GRID1: variants seen among roughly 807,000 people sequenced by gnomAD.
The protein encoded by GRID1 is glutamate receptor ionotropic, delta-1.
GRID1 carries 28 observed loss-of-function variants against 98.0 expected under a neutral mutation model. The ratio of observed to expected loss-of-function variants is 0.29; its 90% CI spans 0.21 to 0.39. The LOEUF (loss-of-function observed/expected upper bound fraction) is 0.39, where lower values mean the gene tolerates loss of function less well. Ranked by LOEUF, GRID1 falls within the 10% of genes least tolerant of loss-of-function variation. The pLI, the probability that GRID1 is intolerant of heterozygous loss-of-function variation, is 1.00. For missense variants in GRID1, 1,111 were observed against 1,340.5 expected (o/e 0.83, Z 2.67); for synonymous variants, 553 against 538.5 (o/e 1.03, Z -0.37).
chr10:86,148,195 T>C (rs1014705498), intron 3 of GRID1, among the ~76,000 whole-genome samples: 1 of 152,172 alleles, frequency 6.6e-6, no homozygotes, highest in Non-Finnish European at 1.5e-5. Flanking sequence ...CACTCTGCAA[T>C]AGCCAAGACA....
chr10:85,784,963 T>C (rs1265382305), intron 8 of GRID1, among the ~76,000 whole-genome samples: 1 of 152,184 alleles, frequency 6.6e-6, no homozygotes, highest in Non-Finnish European at 1.5e-5. Context: ...CTCAATGAGA[T>C]GTGACAGGTG....
chr10:86,217,918 C>T (rs538884793), intron 2 of GRID1, among the ~76,000 whole-genome samples: 2 of 152,216 alleles, frequency 1.3e-5, no homozygotes, highest in South Asian at 2.1e-4. Flanking sequence ...CCTGCAGCCC[C>T]GGGCCACCGG....
At chr10:86,300,907 C>T (rs1847676141) in intron 2 of GRID1, among the ~76,000 whole-genome samples, 1 of 152,178 alleles carries the variant, frequency 6.6e-6, no homozygotes, top group South Asian at 2.1e-4. Flanking sequence ...AGAGCTACAG[C>T]ATCCTGGGGA....
At chr10:86,329,615 C>T (rs898079162) in intron 2 of GRID1, among the ~76,000 whole-genome samples, 6 of 152,152 alleles carry the variant, frequency 3.9e-5, no homozygotes, top group African/African-American at 1.2e-4. Flanking sequence ...CTGTGACCAT[C>T]CCCTGGTCCA....
At chr10:86,000,715 C>G (rs972342087) in intron 4 of GRID1, among the ~76,000 whole-genome samples, 59 of 152,226 alleles carry the variant, frequency 3.9e-4, no homozygotes, top group Non-Finnish European at 7.8e-4. Context: ...ACTAGAAATC[C>G]ATATATCAAA....
chr10:86,222,066 C>A (rs1438596748), intron 2 of GRID1, among the ~76,000 whole-genome samples: 4 of 152,186 alleles, frequency 2.6e-5, no homozygotes, highest in Non-Finnish European at 4.4e-5. Flanking sequence ...CCCCAAGAAC[C>A]CTGAAGCTGG....
intron 3 of GRID1, among the ~76,000 whole-genome samples, chr10:86,174,904 G>C (rs1213778045): frequency 4.6e-5 from 7 of 152,134 alleles, no homozygotes; most frequent in East Asian, 3.9e-4. Context: ...CTCACCATCA[G>C]TGGCCATCAG....
intron 8 of GRID1, among the ~76,000 whole-genome samples, chr10:85,793,072 A>T (rs1490020234): frequency 6.6e-6 from 1 of 152,076 alleles, no homozygotes; most frequent in Non-Finnish European, 1.5e-5. Context: ...TCCAGAGTGC[A>T]GGCATGCCTC....
At chr10:85,628,678 T>C (rs1296211225) in intron 13 of GRID1, among the ~76,000 whole-genome samples, 1 of 152,146 alleles carries the variant, frequency 6.6e-6, no homozygotes, top group African/African-American at 2.4e-5. Flanking sequence ...TAAAGACTTT[T>C]TATCCAGATC....
chr10:85,804,789 C>T (rs534876400), intron 8 of GRID1, among the ~76,000 whole-genome samples: 42 of 151,790 alleles, frequency 2.8e-4, no homozygotes, highest in Non-Finnish European at 5.5e-4. Context: ...TGGTAAATGC[C>T]TCAGCAACAA....
At chr10:85,695,232 T>C (rs1444784510) in intron 12 of GRID1, among the ~76,000 whole-genome samples, 1 of 152,178 alleles carries the variant, frequency 6.6e-6, no homozygotes, top group East Asian at 1.9e-4. Context: ...CTTGCCTTCC[T>C]TAAGAACTCA....
At chr10:85,791,992 G>A (rs1470129071) in intron 8 of GRID1, among the ~76,000 whole-genome samples, 2 of 152,014 alleles carry the variant, frequency 1.3e-5, no homozygotes, top group Non-Finnish European at 2.9e-5. Flanking sequence ...CCCCAGGCAG[G>A]AGGCCAGGGA....
intron 2 of GRID1, among the ~76,000 whole-genome samples, chr10:86,261,354 G>A (rs1564722248): frequency 6.6e-6 from 1 of 152,346 alleles, no homozygotes; most frequent in East Asian, 1.9e-4. Context: ...TTCAAAGCTG[G>A]CCACAGACTA....
rs553699674 is a variant in GRID1, at chr10:86,239,912, C to T, written c.236-33264G>A. 1.9e-4 allele frequency among the ~76,000 whole-genome samples: 29 copies of T among 152,178 alleles called. 1 individual carries two copies. The highest frequency in any genetic ancestry group is 2.1e-4 in the South Asian group (1 of 4,812). ...CCTTATAGAAGTGATTAAATTAAAACGAATCAGGAAGGTGGGCCCTATTCC... is the reference window on the plus strand; with the variant it reads ...CCTTATAGAAGTGATTAAATTAAAATGAATCAGGAAGGTGGGCCCTATTCC... On this transcript the variant is annotated intron_variant, in intron 2 of 15. Transcript: ENST00000327946.
rs1045368322 is a variant in GRID1, at chr10:85,934,202, G to A, written c.727-17963C>T. Among the ~76,000 whole-genome samples, 5 of 152,166 alleles carry A rather than the reference G, an allele frequency of 3.3e-5. No homozygotes were observed. The East Asian group carries it at 9.6e-4, about 29-fold the overall frequency. On this transcript the variant is annotated intron_variant, in intron 4 of 15. Coordinates refer to ENST00000327946, the MANE Select transcript of GRID1 (RefSeq NM_017551.3). ...AGAGCAAGCTGGAATAGTAGGAATGGCTTCATGGAGGTACTGGGCTGAAAG... is the reference window on the plus strand; with the variant it reads ...AGAGCAAGCTGGAATAGTAGGAATGACTTCATGGAGGTACTGGGCTGAAAG...
chr10:86,342,257 C>T (rs974831562), intron 2 of GRID1, among the ~76,000 whole-genome samples: 2 of 152,172 alleles, frequency 1.3e-5, no homozygotes, highest in Admixed American at 6.5e-5. Flanking sequence ...CTGCTGCACA[C>T]AGCCAGTGTC....
At chr10:86,033,128 C>T (rs1843209929) in intron 4 of GRID1, among the ~76,000 whole-genome samples, 1 of 151,982 alleles carries the variant, frequency 6.6e-6, no homozygotes, top group African/African-American at 2.4e-5. Context: ...GTGGCCTTTG[C>T]TCTTTCTTCA....
At chr10:86,166,062 C>A (rs891603707) in intron 3 of GRID1, among the ~76,000 whole-genome samples, 1 of 152,196 alleles carries the variant, frequency 6.6e-6, no homozygotes, top group Admixed American at 6.5e-5. Context: ...GGATCAGCCT[C>A]CATCACGTGC....
At chr10:86,232,413 A>G (rs1336401120) in intron 2 of GRID1, among the ~76,000 whole-genome samples, 1 of 152,188 alleles carries the variant, frequency 6.6e-6, no homozygotes, top group East Asian at 1.9e-4. Context: ...AGACTCAGTG[A>G]GGTTTCACAA....
Sources: allele counts gnomAD v4.1 joint callset (sites outside exome capture counted in the v4.1 genomes callset), GRCh38; gene constraint gnomAD v4.1.1; transcripts MANE v1.5; gene names NCBI Gene and HGNC (gene_info 2026-07-23, HGNC 2026-07-21).